Variants in ROBO1 observed in about 807,000 individuals in gnomAD.
ROBO1 encodes roundabout guidance receptor 1, also known as roundabout homolog 1.
Under a neutral mutation model 195.9 loss-of-function variants are expected in ROBO1, and 149 were observed. The ratio of observed to expected loss-of-function variants is 0.76; its 90% CI spans 0.67 to 0.87. ROBO1 has a LOEUF of 0.87. Ranked by LOEUF, ROBO1 falls within the 40% of genes least tolerant of loss-of-function variation. The pLI, the probability that ROBO1 is intolerant of heterozygous loss-of-function variation, is 0.00. For missense variants in ROBO1, 1,933 were observed against 2,068.3 expected (o/e 0.93, Z 1.27); for synonymous variants, 816 against 733.2 (o/e 1.11, Z -1.82).
At chr3:79,499,311 A>G (rs1243189117) in intron 2 of ROBO1, among the ~76,000 whole-genome samples, 1 of 152,186 alleles carries the variant, frequency 6.6e-6, no homozygotes. Context: ...CAGTCTTTAA[A>G]AACAATTTAA....
At chr3:79,624,504 A>T (rs1214773747) in intron 1 of ROBO1, among the ~76,000 whole-genome samples, 1 of 152,078 alleles carries the variant, frequency 6.6e-6, no homozygotes, top group African/African-American at 2.4e-5. Flanking sequence ...GATAGAGAAA[A>T]ATTTACTAAG....
chr3:79,560,573 A>T (rs1264422681), intron 2 of ROBO1, among the ~76,000 whole-genome samples: 2 of 147,110 alleles, frequency 1.4e-5, no homozygotes, highest in Non-Finnish European at 3.0e-5. Flanking sequence ...ATACACATAC[A>T]TAAAAAAAAA....
chr3:78,959,892 G>T (rs1474932007), intron 3 of ROBO1, among the ~76,000 whole-genome samples: 1 of 152,180 alleles, frequency 6.6e-6, no homozygotes, highest in African/African-American at 2.4e-5. Flanking sequence ...TAGCTTGGAG[G>T]TTGAAAAGGT....
chr3:79,115,910 A>G (rs2079985157), intron 3 of ROBO1, among the ~76,000 whole-genome samples: 1 of 152,236 alleles, frequency 6.6e-6, no homozygotes, highest in Non-Finnish European at 1.5e-5. Flanking sequence ...TTCCAATGAT[A>G]AAGTGAAGAA....
chr3:78,778,061 C>T (rs542628505), intron 4 of ROBO1, among the ~76,000 whole-genome samples: 5 of 152,248 alleles, frequency 3.3e-5, no homozygotes, highest in East Asian at 3.9e-4. Flanking sequence ...TGAATTTTAT[C>T]GAAGGCCTTT....
chr3:78,888,032 A>T (rs2036665869), intron 4 of ROBO1, among the ~76,000 whole-genome samples: 1 of 152,198 alleles, frequency 6.6e-6, no homozygotes, highest in Non-Finnish European at 1.5e-5. Flanking sequence ...GATCATAAGG[A>T]AACTGCATTG....
chr3:79,033,833 T>G (rs747676542), intron 3 of ROBO1, among the ~76,000 whole-genome samples: 2 of 152,188 alleles, frequency 1.3e-5, no homozygotes, highest in Non-Finnish European at 2.9e-5. Flanking sequence ...TTTCTCAAAG[T>G]GCTTTTTCTG....
chr3:79,406,793 C>A (rs1440658925), intron 2 of ROBO1, among the ~76,000 whole-genome samples: 1 of 152,108 alleles, frequency 6.6e-6, no homozygotes, highest in Non-Finnish European at 1.5e-5. Flanking sequence ...TGATGTGAGA[C>A]AATTCTTTTT....
Position 79,147,345 on chromosome 3 carries a change from T to G in ROBO1, c.89-21806A>C, listed in dbSNP as rs936579288. ...AAGCATGGCCTACAAAACTGGCCACTTTTTCATTAAAATGAAATGTAAGAA... is the reference window on the plus strand; with the variant it reads ...AAGCATGGCCTACAAAACTGGCCACGTTTTCATTAAAATGAAATGTAAGAA... On this transcript the variant is annotated intron_variant, in intron 2 of 30. Transcript: ENST00000464233. Among the ~76,000 whole-genome samples, 72 of 151,988 alleles carry G rather than the reference T, an allele frequency of 4.7e-4. 1 individual carries two copies. Among genetic ancestry groups the G allele is most frequent in the Non-Finnish European group, 4.4e-5 (3 of 67,938 alleles).
intron 1 of ROBO1, among the ~76,000 whole-genome samples, chr3:79,643,721 T>C (rs1283629388): frequency 1.3e-5 from 2 of 152,210 alleles, no homozygotes; most frequent in East Asian, 1.9e-4. Context: ...TACAAAAACC[T>C]ATAATAGATT....
intron 1 of ROBO1, among the ~76,000 whole-genome samples, chr3:79,726,024 A>T (rs544593051): frequency 6.6e-6 from 1 of 152,318 alleles, no homozygotes; most frequent in African/African-American, 2.4e-5. Context: ...AGGAAGACTA[A>T]ATTCAAACAA....
At chr3:79,215,767 ATTTTC>A in intron 2 of ROBO1, among the ~76,000 whole-genome samples, 1 of 152,168 alleles carries the variant, frequency 6.6e-6, no homozygotes, top group Admixed American at 6.5e-5. Flanking sequence ...TTATTACAAT[ATTTTC>A]CCCCTTAAAG....
At chr3:79,080,101 G>T (rs1312562383) in intron 3 of ROBO1, among the ~76,000 whole-genome samples, 1 of 151,478 alleles carries the variant, frequency 6.6e-6, no homozygotes, top group African/African-American at 2.4e-5. Flanking sequence ...AGTGTTACAG[G>T]GTTGATACTA....
intron 2 of ROBO1, among the ~76,000 whole-genome samples, chr3:79,418,166 G>C (rs2038082532): frequency 6.6e-6 from 1 of 152,084 alleles, no homozygotes; most frequent in Non-Finnish European, 1.5e-5. Flanking sequence ...CTTTCTCTAA[G>C]AAGCTCTGTA....
chr3:78,663,069 T>C (rs1336625712), intron 14 of ROBO1, among the ~76,000 whole-genome samples: 1 of 152,062 alleles, frequency 6.6e-6, no homozygotes, highest in African/African-American at 2.4e-5. Context: ...GGCACCTACA[T>C]TCCAGATGAT....
intron 1 of ROBO1, among the ~76,000 whole-genome samples, chr3:79,590,383 G>GA (rs1174018940): frequency 3.3e-5 from 5 of 151,468 alleles, no homozygotes; most frequent in Non-Finnish European, 7.4e-5. Context: ...TGATATAGCA[G>GA]AAAAAAACAA....
chr3:79,389,122 CT>C (rs2036858406), intron 2 of ROBO1, among the ~76,000 whole-genome samples: 1 of 151,884 alleles, frequency 6.6e-6, no homozygotes, highest in South Asian at 2.1e-4. Flanking sequence ...TAACTTTTGA[CT>C]TTTGTATGAT....
chr3:79,550,892 G>A (rs1403948004), intron 2 of ROBO1, among the ~76,000 whole-genome samples: 1 of 152,150 alleles, frequency 6.6e-6, no homozygotes, highest in Non-Finnish European at 1.5e-5. Flanking sequence ...TTGTTAAGAA[G>A]TAGGACCTTT....
chr3:78,979,885 C>T (rs2076956536), intron 3 of ROBO1, among the ~76,000 whole-genome samples: 1 of 151,898 alleles, frequency 6.6e-6, no homozygotes, highest in Non-Finnish European at 1.5e-5. Context: ...ATTTTACCCG[C>T]CAAAAATAAA....
Sources: allele counts gnomAD v4.1 joint callset (sites outside exome capture counted in the v4.1 genomes callset), GRCh38; gene constraint gnomAD v4.1.1; transcripts MANE v1.5; gene names NCBI Gene and HGNC (gene_info 2026-07-23, HGNC 2026-07-21).